Variants in PCDHA11 observed in about 807,000 individuals in gnomAD.
The protein encoded by PCDHA11 is protocadherin alpha-11.
In PCDHA11, 61 loss-of-function variants were observed where a neutral mutation model predicts 70.3. That is an observed-to-expected ratio of 0.87 (90% CI 0.71 to 1.07). PCDHA11 has a LOEUF of 1.07. Ranked by LOEUF, PCDHA11 falls within the 50% of genes least tolerant of loss-of-function variation. PCDHA11 has a pLI of 0.00. For synonymous variants in PCDHA11, 633 were observed against 555.1 expected, an observed-to-expected ratio of 1.14 and a Z score of -1.97; for missense variants, 1,324 against 1,237.5, an observed-to-expected ratio of 1.07 and a Z score of -1.05.
rs781982422 is a variant in PCDHA11 at position 140,871,325 on chromosome 5, C to T, written c.2222C>T (p.Ser741Phe). 4 of 1,613,988 alleles carry T rather than the reference C, an allele frequency of 2.5e-6. No individual in the cohort carries two copies. Among genetic ancestry groups the T allele is most frequent in the Non-Finnish European group, 3.4e-6 (4 of 1,180,038 alleles). The change falls in exon 1 of 4, where the codon TCC becomes TTC. Residue 741 changes from serine (S) to phenylalanine (F), a missense_variant. Coordinates refer to ENST00000398640, the MANE Select transcript of PCDHA11 (RefSeq NM_018902.5). ...CCGGGGAAGCCCACGCTGGTGTGCTCCCGCGCGGTGGGGAGCTGGTCATAC... is the reference window on the plus strand; with the variant it reads ...CCGGGGAAGCCCACGCTGGTGTGCTTCCGCGCGGTGGGGAGCTGGTCATAC... ...CAPGKPTLVC[S>F]RAVGSWSYSQ...
intron 1 of PCDHA11, chr5:140,929,584 A>T: frequency 2.3e-6 from 1 of 433,584 alleles, no homozygotes; most frequent in Non-Finnish European, 4.1e-6. Context: ...GTAATATGAC[A>T]TAAAGGTCTA....
intron 1 of PCDHA11, among the ~76,000 whole-genome samples, chr5:140,937,282 C>T (rs2091446146): frequency 6.6e-6 from 1 of 152,060 alleles, no homozygotes; most frequent in Admixed American, 6.6e-5. Context: ...CGTGATTCAC[C>T]CGCTTCGGCC....
At chr5:140,976,369 G>A (rs1464114589) in intron 1 of PCDHA11, among the ~76,000 whole-genome samples, 1 of 151,996 alleles carries the variant, frequency 6.6e-6, no homozygotes, top group Non-Finnish European at 1.5e-5. Flanking sequence ...TGGCCAACAT[G>A]GTGAAACCCC....
At chr5:140,908,342 A>G (rs542660039) in intron 1 of PCDHA11, among the ~76,000 whole-genome samples, 48 of 152,196 alleles carry the variant, frequency 3.2e-4, no homozygotes, top group Non-Finnish European at 5.3e-4. Flanking sequence ...TTGAGCCACT[A>G]CCTCATGTAA....
intron 1 of PCDHA11, among the ~76,000 whole-genome samples, chr5:140,904,015 AT>A (rs1171166257): frequency 6.6e-6 from 1 of 152,234 alleles, no homozygotes; most frequent in Non-Finnish European, 1.5e-5. Flanking sequence ...ACTTTAAAAA[AT>A]AATGGTATAA....
chr5:140,881,446 TC>T, intron 1 of PCDHA11: 1 of 787,056 alleles, frequency 1.3e-6, no homozygotes, highest in Non-Finnish European at 1.5e-6. Flanking sequence ...AAAAACAGAA[TC>T]CAAAACCTTA....
chr5:140,934,995 T>G (rs1443676222), intron 1 of PCDHA11, among the ~76,000 whole-genome samples: 1 of 152,172 alleles, frequency 6.6e-6, no homozygotes, highest in East Asian at 1.9e-4. Context: ...ACACCCTGAA[T>G]CCTTTTCATG....
chr5:140,967,066 C>T (rs782715200), intron 1 of PCDHA11: 4 of 1,612,790 alleles, frequency 2.5e-6, no homozygotes, highest in African/African-American at 1.3e-5. Flanking sequence ...GAGCGCTCTT[C>T]GTCAACGAGC....
intron 1 of PCDHA11, chr5:140,877,514 G>C: frequency 6.2e-7 from 1 of 1,613,764 alleles, no homozygotes; most frequent in South Asian, 1.1e-5. Context: ...ACGTCGTCGC[G>C]GGCCTCAGTG....
chr5:140,896,280 G>A (rs940722689), intron 1 of PCDHA11, among the ~76,000 whole-genome samples: 1 of 152,206 alleles, frequency 6.6e-6, no homozygotes, highest in South Asian at 2.1e-4. Flanking sequence ...TTGCTGGCTT[G>A]AATGGTAAGT....
At chr5:140,927,318 C>T (rs149532133) in intron 1 of PCDHA11, 18,448 of 1,614,194 alleles carry the variant, frequency 0.011, 218 homozygotes, top group South Asian at 0.039. Flanking sequence ...CCGGAGCCCG[C>T]TTTACTCTCC....
At chr5:140,878,787 T>C (rs2057727241) in intron 1 of PCDHA11, among the ~76,000 whole-genome samples, 1 of 152,222 alleles carries the variant, frequency 6.6e-6, no homozygotes, top group Admixed American at 6.5e-5. Flanking sequence ...ATATGTTCAA[T>C]CACTTTTTAA....
intron 1 of PCDHA11, among the ~76,000 whole-genome samples, chr5:140,964,913 A>G (rs1254329232): frequency 6.6e-6 from 1 of 152,202 alleles, no homozygotes; most frequent in African/African-American, 2.4e-5. Context: ...CTCTGGAATA[A>G]CACTGGCTAG....
chr5:140,883,401 A>C, intron 1 of PCDHA11: 2 of 1,614,108 alleles, frequency 1.2e-6, no homozygotes, highest in Non-Finnish European at 1.7e-6. Flanking sequence ...TCCGATCGTG[A>C]CTCTGGCTCA....
chr5:140,882,873 G>T, intron 1 of PCDHA11: 6 of 1,614,222 alleles, frequency 3.7e-6, no homozygotes, highest in Non-Finnish European at 5.1e-6. Flanking sequence ...ACACTGGACA[G>T]AGAGGAAATT....
chr5:140,890,190 A>C (rs1213958471), intron 1 of PCDHA11, among the ~76,000 whole-genome samples: 3 of 152,084 alleles, frequency 2.0e-5, no homozygotes, highest in Middle Eastern at 3.2e-3. Flanking sequence ...TACAAAACAG[A>C]GTTTTTTGTT....
At chr5:140,875,235 A>G in intron 1 of PCDHA11, 1 of 869,906 alleles carries the variant, frequency 1.1e-6, no homozygotes, top group South Asian at 2.5e-5. Context: ...TCTTTCTTGT[A>G]CTTACATAAT....
intron 3 of PCDHA11, among the ~76,000 whole-genome samples, chr5:141,000,775 C>G (rs919489031): frequency 5.3e-5 from 8 of 151,752 alleles, no homozygotes; most frequent in African/African-American, 1.9e-4. Context: ...GGCATAGTGG[C>G]GCACACCTGT....
rs1554262437 is a variant in PCDHA11, at chr5:141,009,799, C to T, written c.2712C>T (p.Asn904=). 1 of 1,614,104 alleles carries T rather than the reference C, an allele frequency of 6.2e-7. No individual in the cohort carries two copies. Residue 904 remains asparagine (N), a synonymous_variant, in exon 4 of 4, where the codon AAC becomes AAT. Coordinates refer to ENST00000398640, the MANE Select transcript of PCDHA11 (RefSeq NM_018902.5). ...AIISIRQEPT[N]SQIDKSDFIT... is the part of the protein sequence containing the mutation. ...TCTCCATCCGGCAGGAGCCTACTAACAGCCAAATTGACAAAAGTGACTTCA... is the reference window on the plus strand; with the variant it reads ...TCTCCATCCGGCAGGAGCCTACTAATAGCCAAATTGACAAAAGTGACTTCA...
Sources: gnomAD v4.1 joint callset for allele counts (sites outside exome capture counted in the v4.1 genomes callset) on GRCh38, gnomAD v4.1.1 for gene constraint, MANE v1.5 for transcripts, NCBI Gene and HGNC (gene_info 2026-07-23, HGNC 2026-07-21) for gene names.